PCDHA9: variants seen among roughly 807,000 people sequenced by gnomAD.
PCDHA9 encodes protocadherin alpha 9.
A neutral mutation model predicts 62.0 loss-of-function variants in PCDHA9; 62 were observed. The observed-to-expected ratio is 1.00, with a 90% CI of 0.81 to 1.23. PCDHA9 has a LOEUF of 1.23. Among genes scored for constraint, PCDHA9 ranks in the 50% most tolerant of loss-of-function variants. PCDHA9 has a pLI of 0.00. For missense variants in PCDHA9, 1,205 were observed against 1,249.8 expected (o/e 0.96, Z 0.54); for synonymous variants, 557 against 567.6 (o/e 0.98, Z 0.27).
rs551502223 is a variant in PCDHA9 at position 140,976,924 on chromosome 5, T to G, written c.2395-2025T>G. ...TGTAATAAAGTGCAAAATCTAGTAC[T>G]GTGTAGCTACTTAAAACATATTATA... is the stretch of plus-strand genomic sequence containing the variant. On this transcript the variant is annotated intron_variant, in intron 1 of 3. Coordinates refer to ENST00000532602, the MANE Select transcript of PCDHA9 (RefSeq NM_031857.2). 1.6e-4 allele frequency among the ~76,000 whole-genome samples: 25 copies of G among 152,364 alleles called. No homozygotes were observed. In the South Asian group the frequency reaches 5.2e-3, roughly 32 times the overall value.
At chr5:140,952,261 C>T (rs246037) in intron 1 of PCDHA9, among the ~76,000 whole-genome samples, 85,112 of 150,858 alleles carry the variant, frequency 0.56, 24,616 homozygotes, top group African/African-American at 0.69. Flanking sequence ...GATTCCCATT[C>T]TGGGGTCTTG....
At chr5:141,008,512 C>A (rs1006553111) in intron 3 of PCDHA9, among the ~76,000 whole-genome samples, 2 of 152,094 alleles carry the variant, frequency 1.3e-5, no homozygotes, top group Non-Finnish European at 2.9e-5. Context: ...GGTGTGTCTT[C>A]CAATCAGACT....
chr5:140,906,238 C>T (rs1309828775), intron 1 of PCDHA9, among the ~76,000 whole-genome samples: 2 of 152,186 alleles, frequency 1.3e-5, no homozygotes, highest in Non-Finnish European at 2.9e-5. Flanking sequence ...CCCTTGTCAA[C>T]TTGAACCCAT....
chr5:140,992,226 G>A lies in PCDHA9; in HGVS notation c.2542+9663G>A, dbSNP rs926605843. On this transcript the variant is annotated intron_variant, in intron 3 of 3. Coordinates refer to ENST00000532602, the MANE Select transcript of PCDHA9 (RefSeq NM_031857.2). The stretch of plus-strand genomic sequence containing the variant: ...CAGATAAACTACTCTCCCTTCCTGG[G>A]AAGAGTAAGGAAGGAAGTAGAGCTA... Among the ~76,000 whole-genome samples the A allele has an allele frequency of 5.3e-5, 8 of 152,256 alleles. No individual in the cohort carries two copies. The East Asian group carries it at 1.5e-3, about 29-fold the overall frequency.
intron 1 of PCDHA9, chr5:140,875,507 A>G: frequency 6.2e-7 from 1 of 1,613,674 alleles, no homozygotes. Context: ...CCGGGATCCC[A>G]GCGTCTGCTG....
At chr5:140,911,088 C>T (rs1447899502) in intron 1 of PCDHA9, among the ~76,000 whole-genome samples, 3 of 152,092 alleles carry the variant, frequency 2.0e-5, no homozygotes, top group African/African-American at 7.2e-5. Flanking sequence ...ATTATCTTGC[C>T]TGGCAACTGC....
At chr5:140,939,960 T>G (rs1216904868) in intron 1 of PCDHA9, among the ~76,000 whole-genome samples, 2 of 152,258 alleles carry the variant, frequency 1.3e-5, no homozygotes, top group African/African-American at 2.4e-5. Context: ...TATGTTAAAG[T>G]GTTCCACGAT....
Position 140,871,058 on chromosome 5 carries a change from A to C in PCDHA9, c.2394+20169A>C, listed in dbSNP as rs1179361194. Reference sequence around the variant, plus strand: ...CACCGACTTCTAGTACTGGTGAAGGATCACGGTGAGCCGGCGCTGACGGCC... The same window carrying C: ...CACCGACTTCTAGTACTGGTGAAGGCTCACGGTGAGCCGGCGCTGACGGCC... On this transcript the variant is annotated intron_variant, in intron 1 of 3. Transcript: ENST00000532602. 8 of 1,613,140 alleles carry C rather than the reference A, an allele frequency of 5.0e-6. No homozygotes were observed. The African/African-American group carries it at 6.7e-5, about 13-fold the overall frequency.
intron 1 of PCDHA9, chr5:140,881,365 T>G (rs1216010175): frequency 2.0e-6 from 2 of 985,144 alleles, no homozygotes; most frequent in Non-Finnish European, 2.4e-6. Context: ...GGCTTTCGTA[T>G]GAATTGCAGC....
intron 1 of PCDHA9, among the ~76,000 whole-genome samples, chr5:140,948,744 C>A (rs868917864): frequency 3.3e-5 from 5 of 151,312 alleles, no homozygotes; most frequent in South Asian, 2.1e-4. Flanking sequence ...GAGAATTTAT[C>A]AATTTTGCTG....
At chr5:140,870,295 T>G (rs1037957284) in intron 1 of PCDHA9, 1 of 1,614,054 alleles carries the variant, frequency 6.2e-7, no homozygotes, top group Non-Finnish European at 8.5e-7. Context: ...CAAGCTGGTG[T>G]CCACCTTCAA....
At chr5:140,852,249 T>C (rs2042280411) in intron 1 of PCDHA9, 1 of 535,278 alleles carries the variant, frequency 1.9e-6, no homozygotes, top group Non-Finnish European at 2.5e-6. Flanking sequence ...AAACACACTT[T>C]TGGAATATGC....
At chr5:140,865,051 T>A (rs1228832316) in intron 1 of PCDHA9, 1 of 151,882 alleles carries the variant, frequency 6.6e-6, no homozygotes, top group Admixed American at 6.6e-5. Flanking sequence ...AATGTCATTG[T>A]TTTTAATAAC....
At chr5:140,877,559 T>C in intron 1 of PCDHA9, 1 of 1,613,754 alleles carries the variant, frequency 6.2e-7, no homozygotes, top group South Asian at 1.1e-5. Context: ...CTGGTGGATA[T>C]TAACGTGTAC....
At chr5:140,920,294 A>T (rs1554199563) in intron 1 of PCDHA9, among the ~76,000 whole-genome samples, 9 of 152,206 alleles carry the variant, frequency 5.9e-5, no homozygotes. Context: ...TTTTAGAGGC[A>T]CTAAGAGAAA....
At chr5:140,864,302 C>T (rs550549818) in intron 1 of PCDHA9, 1 of 152,214 alleles carries the variant, frequency 6.6e-6, no homozygotes, top group Non-Finnish European at 1.5e-5. Context: ...TTCAAAAATA[C>T]CATGACAATA....
rs1430300644 is a variant in PCDHA9 at position 141,011,992 on chromosome 5, C to T, written c.*2055C>T. 6.5e-6 allele frequency: 1 copy of T among 153,658 alleles called. No individual in the cohort carries two copies. The highest frequency in any genetic ancestry group is 1.5e-5 in the Non-Finnish European group (1 of 68,022). 9.5% of individuals were successfully genotyped at this position (153,658 alleles called of 1,614,324 possible). ...TGTCTTGTCTACTTTTAGCTTCATTCTCCCATATTTTGAAGGGTGTGTAAC... is the reference window on the plus strand; with the variant it reads ...TGTCTTGTCTACTTTTAGCTTCATTTTCCCATATTTTGAAGGGTGTGTAAC... On this transcript the variant is annotated 3_prime_UTR_variant, in exon 4 of 4. Transcript: ENST00000532602.
chr5:140,948,547 A>G (rs1054072354), intron 1 of PCDHA9, among the ~76,000 whole-genome samples: 9 of 151,490 alleles, frequency 5.9e-5, no homozygotes, highest in Admixed American at 5.9e-4. Flanking sequence ...ATGCTCTGTC[A>G]ATTTTGTTAA....
chr5:140,933,833 A>G (rs944428844), intron 1 of PCDHA9, among the ~76,000 whole-genome samples: 1 of 151,928 alleles, frequency 6.6e-6, no homozygotes, highest in East Asian at 1.9e-4. Flanking sequence ...TATTGCTCCT[A>G]TTTCATTCCT....
Sources: allele counts gnomAD v4.1 joint callset (sites outside exome capture counted in the v4.1 genomes callset), GRCh38; gene constraint gnomAD v4.1.1; transcripts MANE v1.5; gene names NCBI Gene and HGNC (gene_info 2026-07-23, HGNC 2026-07-21).